PLCB4: variants seen among roughly 807,000 people sequenced by gnomAD.
The protein encoded by PLCB4 is phospholipase C beta 4.
In PLCB4, 77 loss-of-function variants were observed where a neutral mutation model predicts 178.8. That is an observed-to-expected ratio of 0.43 (90% CI 0.36 to 0.52). The LOEUF is 0.52. Ranked by LOEUF, PLCB4 falls within the 20% of genes least tolerant of loss-of-function variation. The pLI is 0.00. For synonymous variants in PLCB4, 496 were observed against 490.8 expected, an observed-to-expected ratio of 1.01 and a Z score of -0.14; for missense variants, 1,024 against 1,453.4, an observed-to-expected ratio of 0.70 and a Z score of 4.80.
intron 2 of PLCB4, among the ~76,000 whole-genome samples, chr20:9,139,295 G>C (rs1309540278): frequency 1.3e-5 from 2 of 152,046 alleles, no homozygotes; most frequent in Non-Finnish European, 2.9e-5. Flanking sequence ...ATGAGTCTGG[G>C]TGGTAACTGG....
intron 23 of PLCB4, 54 bp from the exon 24 acceptor site, chr20:9,409,003 T>A: frequency 6.4e-7 from 1 of 1,554,708 alleles, no homozygotes; most frequent in Non-Finnish European, 8.8e-7. Context: ...TCTTTGTTGT[T>A]TATTTTTCTC....
At chr20:9,327,842 T>C (rs948905198) in intron 4 of PLCB4, among the ~76,000 whole-genome samples, 3 of 152,160 alleles carry the variant, frequency 2.0e-5, no homozygotes, top group Non-Finnish European at 2.9e-5. Context: ...AGACTATGTG[T>C]CAAGTGCTCT....
At chr20:9,126,657 T>C (rs942232323) in intron 2 of PLCB4, among the ~76,000 whole-genome samples, 2 of 152,176 alleles carry the variant, frequency 1.3e-5, no homozygotes, top group African/African-American at 4.8e-5. Flanking sequence ...AGTCCTATTG[T>C]TGCTTACAAA....
intron 2 of PLCB4, among the ~76,000 whole-genome samples, chr20:9,215,085 A>G (rs1374715848): frequency 6.6e-6 from 1 of 152,168 alleles, no homozygotes; most frequent in Non-Finnish European, 1.5e-5. Context: ...TCATAGCCTC[A>G]GGAGACATAA....
chr20:9,200,350 C>T (rs1167322114), intron 2 of PLCB4, among the ~76,000 whole-genome samples: 1 of 152,190 alleles, frequency 6.6e-6, no homozygotes, highest in African/African-American at 2.4e-5. Context: ...AATCCAACAG[C>T]ATTTCCCAAT....
chr20:9,176,458 C>T (rs2093156600), intron 2 of PLCB4, among the ~76,000 whole-genome samples: 1 of 152,098 alleles, frequency 6.6e-6, no homozygotes, highest in Admixed American at 6.5e-5. Context: ...TTCCATCCAG[C>T]AGTATCTGAG....
rs568274615 is a variant in PLCB4 at position 9,192,170 on chromosome 20, G to A, written c.-78-25220G>A. Among the ~76,000 whole-genome samples, 32 of 152,264 alleles carry A rather than the reference G, an allele frequency of 2.1e-4. 1 individual carries two copies. The highest frequency in any genetic ancestry group is 4.0e-4 in the Non-Finnish European group (27 of 68,028). On this transcript the variant is annotated intron_variant, in intron 2 of 39. Transcript: ENST00000378473. ...TCCTAGCAGAGTGAGCCATCGAGCC[G>A]GCAGTAGGGAGCTGTGTGCCATGAT... is the stretch of plus-strand genomic sequence containing the variant.
chr20:9,436,471 C>G (rs2041777870), intron 29 of PLCB4, among the ~76,000 whole-genome samples: 1 of 152,224 alleles, frequency 6.6e-6, no homozygotes, highest in Non-Finnish European at 1.5e-5. Flanking sequence ...TCCACCTCAG[C>G]CTCCTCAGCA....
At chr20:9,276,977 T>G (rs1398514598) in intron 3 of PLCB4, among the ~76,000 whole-genome samples, 2 of 152,016 alleles carry the variant, frequency 1.3e-5, no homozygotes, top group African/African-American at 4.8e-5. Flanking sequence ...GCAATTTTTG[T>G]CCCTACCCCA....
intron 2 of PLCB4, among the ~76,000 whole-genome samples, chr20:9,205,049 C>G (rs1045793066): frequency 1.3e-5 from 2 of 152,112 alleles, no homozygotes; most frequent in African/African-American, 4.8e-5. Flanking sequence ...AATTTTTTCT[C>G]TTAACAATGG....
chr20:9,449,473 G>A (rs1421066835), intron 32 of PLCB4, among the ~76,000 whole-genome samples: 1 of 152,150 alleles, frequency 6.6e-6, no homozygotes. Context: ...ACCACCATTG[G>A]TGCCTGGAGA....
intron 15 of PLCB4, among the ~76,000 whole-genome samples, chr20:9,389,142 A>G (rs893887784): frequency 3.9e-5 from 6 of 152,218 alleles, no homozygotes; most frequent in African/African-American, 1.4e-4. Context: ...AGACGGGGCC[A>G]ACCATCTCTT....
intron 3 of PLCB4, among the ~76,000 whole-genome samples, chr20:9,257,487 T>G (rs2094248720): frequency 6.6e-6 from 1 of 152,178 alleles, no homozygotes; most frequent in Non-Finnish European, 1.5e-5. Flanking sequence ...CCTGAAATAA[T>G]GTACGATAGA....
chr20:9,316,119 G>C (rs2094896279), intron 4 of PLCB4, among the ~76,000 whole-genome samples: 1 of 152,122 alleles, frequency 6.6e-6, no homozygotes, highest in Non-Finnish European at 1.5e-5. Context: ...ATTCTGAGAA[G>C]CAGGCAGAAG....
intron 33 of PLCB4, among the ~76,000 whole-genome samples, chr20:9,454,678 T>G (rs560956240): frequency 2.7e-4 from 41 of 152,324 alleles, no homozygotes; most frequent in South Asian, 2.1e-4. Context: ...GGACATTGGT[T>G]CATATTGCCG....
At chr20:9,088,339 T>C (rs2090530117) in intron 1 of PLCB4, among the ~76,000 whole-genome samples, 1 of 152,166 alleles carries the variant, frequency 6.6e-6, no homozygotes, top group Non-Finnish European at 1.5e-5. Flanking sequence ...GCAAGTCCTG[T>C]GGACATATAC....
At chr20:9,279,181 T>C (rs1418082785) in intron 3 of PLCB4, among the ~76,000 whole-genome samples, 1 of 152,050 alleles carries the variant, frequency 6.6e-6, no homozygotes, top group Admixed American at 6.6e-5. Flanking sequence ...AACCTAAAAT[T>C]AAACAGTTTG....
chr20:9,415,771 G>A (rs1290069326), intron 25 of PLCB4, among the ~76,000 whole-genome samples: 1 of 152,338 alleles, frequency 6.6e-6, no homozygotes, highest in East Asian at 1.9e-4. Context: ...GATGGTGGAT[G>A]CAGAGCATTA....
At chr20:9,128,260 G>A (rs1245626753) in intron 2 of PLCB4, among the ~76,000 whole-genome samples, 2 of 152,048 alleles carry the variant, frequency 1.3e-5, no homozygotes, top group Non-Finnish European at 2.9e-5. Context: ...CCTCTTGATT[G>A]TAAACTTCCC....
Sources: gnomAD v4.1 joint callset for allele counts (sites outside exome capture counted in the v4.1 genomes callset) on GRCh38, gnomAD v4.1.1 for gene constraint, MANE v1.5 for transcripts, NCBI Gene and HGNC (gene_info 2026-07-23, HGNC 2026-07-21) for gene names.